Variants in UGT1A8 observed in about 807,000 individuals in gnomAD.
UGT1A8 encodes the protein UDP glucuronosyltransferase family 1 member A8, also known as UDP-glucuronosyltransferase 1A8.
In UGT1A8, 39 loss-of-function variants were observed where a neutral mutation model predicts 45.3. The observed-to-expected ratio is 0.86, with a 90% CI of 0.67 to 1.12. UGT1A8 has a LOEUF of 1.12. Ranked by LOEUF, UGT1A8 falls within the 50% of genes most tolerant of loss-of-function variation. The pLI is 0.00. For missense variants in UGT1A8, 719 were observed against 664.9 expected (o/e 1.08, Z -0.90); for synonymous variants, 275 against 249.2 (o/e 1.10, Z -0.97).
At chr2:233,771,972 A>G (rs1700426237) in intron 4 of UGT1A8, among the ~76,000 whole-genome samples, 1 of 152,212 alleles carries the variant, frequency 6.6e-6, no homozygotes, top group African/African-American at 2.4e-5. Flanking sequence ...AAAATTGGCC[A>G]GACATAGTGG....
chr2:233,760,393 G>A lies in UGT1A8; in HGVS notation c.856-6641G>A, dbSNP rs1697429657. The A allele has an allele frequency of 4.3e-6, 7 of 1,614,206 alleles. No homozygotes were observed. In the South Asian group the frequency reaches 5.5e-5, roughly 13 times the overall value. On this transcript the variant is annotated intron_variant, in intron 1 of 4. Transcript: ENST00000373450. The stretch of plus-strand genomic sequence containing the variant: ...TGGGAAGATACTGTTGATCCCAGTG[G>A]ATGGCAGCCACTGGCTGAGCATGCT...
chr2:233,671,065 G>A (rs1156790612), intron 1 of UGT1A8, among the ~76,000 whole-genome samples: 1 of 152,200 alleles, frequency 6.6e-6, no homozygotes, highest in Non-Finnish European at 1.5e-5. Flanking sequence ...ACTGTGAAAG[G>A]AGGGTGAAAA....
chr2:233,749,312 T>A (rs900685168), intron 1 of UGT1A8, among the ~76,000 whole-genome samples: 1 of 151,978 alleles, frequency 6.6e-6, no homozygotes, highest in African/African-American at 2.4e-5. Context: ...TATGTGTTTA[T>A]TAGATTTGTA....
chr2:233,635,126 G>A (rs1201156502), intron 1 of UGT1A8, among the ~76,000 whole-genome samples: 1 of 150,690 alleles, frequency 6.6e-6, no homozygotes, highest in Non-Finnish European at 1.5e-5. Context: ...GTTGAGTTTT[G>A]GTCCCCACTG....
chr2:233,712,650 T>G (rs2076245688), intron 1 of UGT1A8, among the ~76,000 whole-genome samples: 1 of 151,870 alleles, frequency 6.6e-6, no homozygotes, highest in Admixed American at 6.5e-5. Context: ...CTGATAAACG[T>G]GGTTAAGAGA....
chr2:233,649,430 A>G (rs1034591191), intron 1 of UGT1A8, among the ~76,000 whole-genome samples: 1 of 152,216 alleles, frequency 6.6e-6, no homozygotes, highest in Non-Finnish European at 1.5e-5. Context: ...ACTAACCTGT[A>G]CTACCTGCTG....
At chr2:233,669,314 A>G (rs2074135806) in intron 1 of UGT1A8, among the ~76,000 whole-genome samples, 1 of 151,816 alleles carries the variant, frequency 6.6e-6, no homozygotes, top group South Asian at 2.1e-4. Context: ...ACATTTCCCT[A>G]TGAATTTTAG....
chr2:233,757,312 G>A (rs1288195448), intron 1 of UGT1A8, among the ~76,000 whole-genome samples: 1 of 141,206 alleles, frequency 7.1e-6, no homozygotes, highest in Non-Finnish European at 1.5e-5. Context: ...GGACAGGGGG[G>A]CTGGGGCCCT....
chr2:233,763,335 T>C (rs1344403817), intron 1 of UGT1A8, among the ~76,000 whole-genome samples: 2 of 152,244 alleles, frequency 1.3e-5, no homozygotes, highest in Non-Finnish European at 2.9e-5. Context: ...TTTGTTTACA[T>C]TTCCCTAGCA....
chr2:233,671,137 A>G (rs1303698162), intron 1 of UGT1A8, among the ~76,000 whole-genome samples: 2 of 152,248 alleles, frequency 1.3e-5, no homozygotes, highest in African/African-American at 4.8e-5. Flanking sequence ...AGACAAGTAC[A>G]TATTTTCCTG....
At chr2:233,745,790 T>G (rs1693218354) in intron 1 of UGT1A8, among the ~76,000 whole-genome samples, 2 of 150,238 alleles carry the variant, frequency 1.3e-5, no homozygotes, top group African/African-American at 2.5e-5. Flanking sequence ...ACAGGGGGGC[T>G]GGGGTCTATC....
intron 1 of UGT1A8, among the ~76,000 whole-genome samples, chr2:233,765,977 C>T (rs1699015249): frequency 6.6e-6 from 1 of 152,154 alleles, no homozygotes; most frequent in Non-Finnish European, 1.5e-5. Context: ...TGGATGTTTA[C>T]AGCTCCTGAA....
chr2:233,711,861 T>C (rs1383080586), intron 1 of UGT1A8, among the ~76,000 whole-genome samples: 1 of 152,212 alleles, frequency 6.6e-6, no homozygotes, highest in Non-Finnish European at 1.5e-5. Flanking sequence ...AGCACAAGTA[T>C]GAGTGACTTT....
intron 1 of UGT1A8, chr2:233,718,709 A>G (rs1203435699): frequency 2.2e-5 from 36 of 1,605,634 alleles, no homozygotes; most frequent in Non-Finnish European, 2.1e-5. Context: ...TTGTCTTCCA[A>G]TTACATGCTG....
intron 1 of UGT1A8, among the ~76,000 whole-genome samples, chr2:233,620,502 G>T (rs971021222): frequency 1.3e-5 from 2 of 152,076 alleles, no homozygotes; most frequent in Non-Finnish European, 2.9e-5. Flanking sequence ...TATCACCTAC[G>T]ATAGGGAGAT....
At chr2:233,722,231 T>C (rs1012078678) in intron 1 of UGT1A8, among the ~76,000 whole-genome samples, 1 of 152,246 alleles carries the variant, frequency 6.6e-6, no homozygotes, top group Non-Finnish European at 1.5e-5. Context: ...AAAATCTTTA[T>C]CATGTATTAT....
intron 1 of UGT1A8, chr2:233,754,837 T>G (rs1695606156): frequency 1.5e-6 from 2 of 1,344,356 alleles, no homozygotes; most frequent in South Asian, 2.3e-5. Flanking sequence ...GGAAATTCAC[T>G]GAAGGCAGAG....
intron 1 of UGT1A8, among the ~76,000 whole-genome samples, chr2:233,696,716 ACAGTTTT>A (rs1306894731): frequency 7.2e-5 from 11 of 152,138 alleles, no homozygotes; most frequent in Admixed American, 2.6e-4. Context: ...TTTTAGAGGA[ACAGTTTT>A]CAGTTTTACC....
At chr2:233,692,430 T>G in intron 1 of UGT1A8, 1 of 155,338 alleles carries the variant, frequency 6.4e-6, no homozygotes, top group Non-Finnish European at 1.4e-5. Flanking sequence ...CAGACAGAAG[T>G]TGTGGGTAAC....
Sources: allele counts gnomAD v4.1 joint callset (sites outside exome capture counted in the v4.1 genomes callset), GRCh38; gene constraint gnomAD v4.1.1; transcripts MANE v1.5; gene names NCBI Gene and HGNC (gene_info 2026-07-23, HGNC 2026-07-21).